Variants in ACBD6 observed in about 807,000 individuals in gnomAD.
ACBD6 encodes acyl-CoA binding domain containing 6, also known as acyl-CoA-binding domain-containing protein 6.
Under a neutral mutation model 37.2 loss-of-function variants are expected in ACBD6, and 28 were observed. The ratio of observed to expected loss-of-function variants is 0.75; its 90% confidence interval spans 0.56 to 1.03. ACBD6 has a LOEUF of 1.03. Ranked by LOEUF, ACBD6 falls within the 50% of genes least tolerant of loss-of-function variation. The pLI is 0.00. For synonymous variants in ACBD6, 113 were observed against 126.8 expected (o/e 0.89, Z 0.73); for missense variants, 340 against 337.4 (o/e 1.01, Z -0.06).
At chr1:180,357,974 T>C (rs1156443627) in intron 6 of ACBD6, among the ~76,000 whole-genome samples, 4 of 152,202 alleles carry the variant, frequency 2.6e-5, no homozygotes, top group Non-Finnish European at 5.9e-5. Flanking sequence ...ACAGAAATCA[T>C]TGTTCTGGAT....
chr1:180,426,711 T>C (rs998574944), intron 4 of ACBD6, among the ~76,000 whole-genome samples: 3 of 152,242 alleles, frequency 2.0e-5, no homozygotes, highest in Non-Finnish European at 4.4e-5. Context: ...CGAATAACAA[T>C]ACTATTTATA....
At chr1:180,277,360 C>CTGTT (rs918355070) in intron 9 of ACBD6, 12 of 152,184 alleles carry the variant, frequency 7.9e-5, no homozygotes, top group African/African-American at 2.9e-4. Flanking sequence ...TACATGGTAG[C>CTGTT]TGTTTCCCCC....
intron 6 of ACBD6, among the ~76,000 whole-genome samples, chr1:180,340,155 A>T (rs1651922729): frequency 6.6e-6 from 1 of 152,014 alleles, no homozygotes. Context: ...AGAGGTAATA[A>T]AGGGCCAGAT....
chr1:180,489,989 A>C (rs1040210633), intron 3 of ACBD6, among the ~76,000 whole-genome samples: 1 of 152,188 alleles, frequency 6.6e-6, no homozygotes, highest in Non-Finnish European at 1.5e-5. Context: ...TAGTTAACAA[A>C]ATTTTACTAA....
intron 6 of ACBD6, among the ~76,000 whole-genome samples, chr1:180,362,211 T>C (rs536067526): frequency 6.6e-6 from 1 of 152,346 alleles, no homozygotes; most frequent in Non-Finnish European, 1.5e-5. Context: ...TCAAATGGAA[T>C]AATGAATAAT....
At chr1:180,501,613 C>T (rs1482441296) in intron 1 of ACBD6, among the ~76,000 whole-genome samples, 1 of 152,190 alleles carries the variant, frequency 6.6e-6, no homozygotes, top group Non-Finnish European at 1.5e-5. Context: ...CAACCACGCC[C>T]AGCCCTGCAT....
In ACBD6 at chr1:180,364,293, T is replaced by C. The variant is rs373106357; in HGVS notation, c.663+33223A>G. On this transcript the variant is annotated intron_variant, in intron 6 of 7. Transcript: ENST00000367595. ...GCCTTTGATGTCACATCTATTAAGTTACAGCTCTACTCTGTTCCCTACCAG... is the reference window on the plus strand; with the variant it reads ...GCCTTTGATGTCACATCTATTAAGTCACAGCTCTACTCTGTTCCCTACCAG... 6.6e-5 allele frequency among the ~76,000 whole-genome samples: 10 copies of C among 152,350 alleles called. No homozygotes were observed. The East Asian group carries it at 1.7e-3, about 26-fold the overall frequency.
At chr1:180,373,838 A>G (rs182067258) in intron 6 of ACBD6, among the ~76,000 whole-genome samples, 3 of 152,280 alleles carry the variant, frequency 2.0e-5, no homozygotes, top group Admixed American at 6.5e-5. Context: ...AGAAAGTGTA[A>G]AGAAAATCCT....
At chr1:180,492,546 T>C (rs1192073222) in intron 2 of ACBD6, among the ~76,000 whole-genome samples, 181 bp from the exon 3 acceptor site, 1 of 152,220 alleles carries the variant, frequency 6.6e-6, no homozygotes, top group African/African-American at 2.4e-5. Flanking sequence ...ACAGACCTTA[T>C]TGCCCTACCT....
chr1:180,438,601 C>A (rs66913400), intron 3 of ACBD6, among the ~76,000 whole-genome samples: 16,307 of 151,894 alleles, frequency 0.11, 1,281 homozygotes, highest in African/African-American at 0.21. Context: ...ATTTAGACTT[C>A]TTTTTAAAGC....
At chr1:180,446,499 C>T (rs2102020349) in intron 3 of ACBD6, among the ~76,000 whole-genome samples, 1 of 152,150 alleles carries the variant, frequency 6.6e-6, no homozygotes, top group East Asian at 1.9e-4. Flanking sequence ...TAAATTTTTT[C>T]CTGAAACATG....
intron 6 of ACBD6, among the ~76,000 whole-genome samples, chr1:180,388,069 G>A (rs953434899): frequency 2.6e-4 from 39 of 151,962 alleles, no homozygotes; most frequent in South Asian, 1.0e-3. Context: ...CCAGCTACTC[G>A]GGAGGCTGAG....
chr1:180,372,259 C>T (rs1653289144), intron 6 of ACBD6, among the ~76,000 whole-genome samples: 1 of 151,996 alleles, frequency 6.6e-6, no homozygotes, highest in African/African-American at 2.4e-5. Context: ...TTTATATATA[C>T]AGAAAAGTAG....
intron 7 of ACBD6, among the ~76,000 whole-genome samples, chr1:180,296,127 A>G (rs1649908276): frequency 6.6e-6 from 1 of 152,180 alleles, no homozygotes; most frequent in Non-Finnish European, 1.5e-5. Flanking sequence ...CTGATTTAGA[A>G]AAAGTCTGAG....
At chr1:180,317,494 A>G (rs1654060728) in intron 6 of ACBD6, among the ~76,000 whole-genome samples, 1 of 152,194 alleles carries the variant, frequency 6.6e-6, no homozygotes, top group African/African-American at 2.4e-5. Context: ...AATGGTTAAA[A>G]TGGTAAATTC....
rs1653275404 is a variant in ACBD6 at position 180,371,815 on chromosome 1, T to C, written c.663+25701A>G. On this transcript the variant is annotated intron_variant, in intron 6 of 7. Transcript: ENST00000367595. ...TTTATGGAAGACTAATCTGTCACAA[T>C]TATTTAGGATTAAAAAAAGTCACAT... 2.6e-5 allele frequency among the ~76,000 whole-genome samples: 4 copies of C among 152,146 alleles called. No homozygotes were observed. In the South Asian group the frequency reaches 8.3e-4, roughly 31 times the overall value.
At chr1:180,417,683 G>A (rs1571482494) in intron 4 of ACBD6, among the ~76,000 whole-genome samples, 1 of 151,956 alleles carries the variant, frequency 6.6e-6, no homozygotes. Context: ...TGTTTCTAAG[G>A]GTCTGCTTGA....
chr1:180,279,269 A>ACTT (rs1194607161), intron 9 of ACBD6, among the ~76,000 whole-genome samples: 7 of 152,114 alleles, frequency 4.6e-5, no homozygotes, highest in African/African-American at 1.7e-4. Flanking sequence ...TGACCATATA[A>ACTT]CTTTTAGTTC....
rs533395638 is a variant in ACBD6 at position 180,456,587 on chromosome 1, C to A, written c.385-26325G>T. 2.3e-4 allele frequency among the ~76,000 whole-genome samples: 35 copies of A among 152,298 alleles called. 1 individual carries two copies. Among genetic ancestry groups the A allele is most frequent in the Non-Finnish European group, 4.4e-4 (30 of 68,016 alleles). On this transcript the variant is annotated intron_variant, in intron 3 of 7. Coordinates refer to ENST00000367595, the MANE Select transcript of ACBD6 (RefSeq NM_032360.4). ...ATAGTTATAGGCACACAGAACATTT[C>A]TTTGATGAGAGACTGATACATCATG... is the stretch of plus-strand genomic sequence containing the variant.
Sources: gnomAD v4.1 joint callset for allele counts (sites outside exome capture counted in the v4.1 genomes callset) on GRCh38, gnomAD v4.1.1 for gene constraint, MANE v1.5 for transcripts, NCBI Gene and HGNC (gene_info 2026-07-23, HGNC 2026-07-21) for gene names.